Variants in CWC27 observed in about 807,000 individuals in gnomAD.
The protein encoded by CWC27 is spliceosome-associated protein CWC27 homolog.
CWC27 carries 47 observed loss-of-function variants against 63.6 expected under a neutral mutation model. The ratio of observed to expected loss-of-function variants is 0.74; its 90% CI spans 0.58 to 0.94. CWC27 has a LOEUF of 0.94. Among genes scored for constraint, CWC27 ranks in the 40% least tolerant of loss-of-function variants. CWC27 has a pLI of 0.00. For missense variants in CWC27, 495 were observed against 554.3 expected, an observed-to-expected ratio of 0.89 and a Z score of 1.07; for synonymous variants, 175 against 179.8, an observed-to-expected ratio of 0.97 and a Z score of 0.22.
At chr5:65,011,908 A>C (rs1409614131) in intron 13 of CWC27, among the ~76,000 whole-genome samples, 1 of 152,220 alleles carries the variant, frequency 6.6e-6, no homozygotes, top group African/African-American at 2.4e-5. Context: ...GAGATTTCAG[A>C]TAGCACTGAT....
chr5:64,800,132 T>C, intron 7 of CWC27, 116 bp from the exon 8 acceptor site: 1 of 589,240 alleles, frequency 1.7e-6, no homozygotes, highest in Non-Finnish European at 2.9e-6. Context: ...TTTTCAGGAA[T>C]ACATCTTTTG....
At chr5:64,963,172 G>A (rs1748950348) in intron 11 of CWC27, among the ~76,000 whole-genome samples, 1 of 152,026 alleles carries the variant, frequency 6.6e-6, no homozygotes, top group African/African-American at 2.4e-5. Context: ...ATGTTGCCCA[G>A]GCTGGTTTCA....
rs150913585 is a variant in CWC27, at chr5:64,869,645, A to T, written c.939-15798A>T. Among the ~76,000 whole-genome samples the T allele has an allele frequency of 6.2e-4, 95 of 152,206 alleles. 1 individual carries two copies. The East Asian group carries it at 0.018, about 29-fold the overall frequency. On this transcript the variant is annotated intron_variant, in intron 10 of 13. Coordinates refer to ENST00000381070, the MANE Select transcript of CWC27 (RefSeq NM_005869.4). ...TAAAGCTTATTTTCAGCTAAATGCCAATTAGGGTTTCAGAGGCAGAGAATG... is the reference window on the plus strand; with the variant it reads ...TAAAGCTTATTTTCAGCTAAATGCCTATTAGGGTTTCAGAGGCAGAGAATG...
At chr5:64,816,142 G>A (rs1329767044) in intron 10 of CWC27, among the ~76,000 whole-genome samples, 1 of 152,106 alleles carries the variant, frequency 6.6e-6, no homozygotes, top group Non-Finnish European at 1.5e-5. Context: ...ACTTGTTGCA[G>A]TTGAGTTCTT....
intron 13 of CWC27, among the ~76,000 whole-genome samples, chr5:64,998,809 A>G (rs1180940526): frequency 6.6e-6 from 1 of 151,624 alleles, no homozygotes; most frequent in Non-Finnish European, 1.5e-5. Flanking sequence ...TTTTTGTTCA[A>G]GTATTTTAAA....
chr5:64,807,996 C>T (rs1417282526), intron 10 of CWC27: 2 of 1,391,700 alleles, frequency 1.4e-6, no homozygotes, highest in Non-Finnish European at 9.3e-7. Flanking sequence ...AATCGACTGG[C>T]TACTTTCCAT....
rs1743708476 is a variant in CWC27 at position 64,781,955 on chromosome 5, G to A, written c.174G>A (p.Val58=). The change falls in exon 3 of 14, where the codon GTG becomes GTA. Residue 58 remains valine, a synonymous_variant. Coordinates refer to ENST00000381070, the MANE Select transcript of CWC27 (RefSeq NM_005869.4). ...ACAATACCATTTTTCATAGAGTTGT[G>A]CCTGGTTTCATAGTCCAAGGCGGAG... ...YYDNTIFHRV[V]PGFIVQGGDP... The A allele has an allele frequency of 1.9e-6, 3 of 1,597,584 alleles. No homozygotes were observed. The highest frequency in any genetic ancestry group is 2.2e-5 in the East Asian group (1 of 44,490).
intron 10 of CWC27, among the ~76,000 whole-genome samples, chr5:64,819,544 C>A (rs1337250920): frequency 6.6e-6 from 1 of 151,886 alleles, no homozygotes; most frequent in Non-Finnish European, 1.5e-5. Context: ...CACACTAGAT[C>A]TGATGGTTTT....
At chr5:64,991,129 A>G (rs1379952221) in intron 13 of CWC27, among the ~76,000 whole-genome samples, 2 of 152,200 alleles carry the variant, frequency 1.3e-5, no homozygotes, top group Non-Finnish European at 2.9e-5. Flanking sequence ...CTGCTTTCAC[A>G]GTCATTGGCA....
At chr5:64,786,101 G>T (rs1743872953) in intron 5 of CWC27, among the ~76,000 whole-genome samples, 1 of 147,404 alleles carries the variant, frequency 6.8e-6, no homozygotes, top group South Asian at 2.1e-4. Flanking sequence ...GGAGGCAGAG[G>T]TTGCAGTGAG....
intron 7 of CWC27, among the ~76,000 whole-genome samples, chr5:64,794,903 C>G (rs974286342): frequency 4.6e-5 from 7 of 152,104 alleles, no homozygotes; most frequent in Non-Finnish European, 8.8e-5. Flanking sequence ...GTAAGTTAAA[C>G]AACAGGCCCA....
chr5:64,800,214 C>T lies in CWC27; in HGVS notation c.670-34C>T, dbSNP rs375685353. ...TGTTATTTAGGAATACTGTTTATTT[C>T]CCCCCTCATGATTATATTGTACATT... On this transcript the variant is annotated intron_variant, in intron 7 of 13. Coordinates refer to ENST00000381070, the MANE Select transcript of CWC27 (RefSeq NM_005869.4). 4.4e-6 allele frequency: 6 copies of T among 1,362,434 alleles called. No homozygotes were observed. In the African/African-American group the frequency reaches 4.7e-5, roughly 11 times the overall value. 84.4% of individuals were successfully genotyped at this position (1,362,434 alleles called of 1,614,324 possible).
intron 8 of CWC27, among the ~76,000 whole-genome samples, chr5:64,800,773 A>G (rs1744460546): frequency 6.6e-6 from 1 of 152,180 alleles, no homozygotes; most frequent in Non-Finnish European, 1.5e-5. Context: ...AGGAGTTAAC[A>G]GAAAGTTGTC....
chr5:64,845,992 C>T (rs193066254), intron 10 of CWC27, among the ~76,000 whole-genome samples: 14 of 152,278 alleles, frequency 9.2e-5, no homozygotes, highest in Admixed American at 1.3e-4. Flanking sequence ...AGATAATAAA[C>T]ACATCACATA....
intron 10 of CWC27, among the ~76,000 whole-genome samples, chr5:64,814,369 C>T (rs1744969440): frequency 6.6e-6 from 1 of 152,094 alleles, no homozygotes. Context: ...CAATACCTAA[C>T]CTATACAAAT....
chr5:64,971,940 A>G (rs1251434546), intron 12 of CWC27, 128 bp downstream of exon 12: 1 of 505,576 alleles, frequency 2.0e-6, no homozygotes, highest in South Asian at 3.9e-5. Context: ...AAAAGAATAT[A>G]TTTATATAGG....
chr5:64,809,534 A>AT (rs1188527993), intron 10 of CWC27, among the ~76,000 whole-genome samples: 12 of 152,094 alleles, frequency 7.9e-5, no homozygotes, highest in South Asian at 4.2e-4. Flanking sequence ...CGCCAGGCTA[A>AT]TTTTTTGTAT....
At chr5:64,906,708 C>A (rs1325511268) in intron 11 of CWC27, among the ~76,000 whole-genome samples, 1 of 152,128 alleles carries the variant, frequency 6.6e-6, no homozygotes, top group African/African-American at 2.4e-5. Flanking sequence ...GCTTTTGTTG[C>A]CATTGCTTTT....
chr5:64,833,317 G>A (rs1368043853), intron 10 of CWC27, among the ~76,000 whole-genome samples: 1 of 151,708 alleles, frequency 6.6e-6, no homozygotes, highest in Non-Finnish European at 1.5e-5. Context: ...CTCAGATACA[G>A]TTCTTTCTGT....
Sources: gnomAD v4.1 joint callset for allele counts (sites outside exome capture counted in the v4.1 genomes callset) on GRCh38, gnomAD v4.1.1 for gene constraint, MANE v1.5 for transcripts, NCBI Gene and HGNC (gene_info 2026-07-23, HGNC 2026-07-21) for gene names.